Variants in CRTC3 observed in about 807,000 individuals in gnomAD.
CRTC3 encodes the protein CREB regulated transcription coactivator 3.
A neutral mutation model predicts 74.5 loss-of-function variants in CRTC3; 26 were observed. That is an observed-to-expected ratio of 0.35 (90% CI 0.26 to 0.48). CRTC3 has a LOEUF of 0.48. CRTC3 is among the 20% of genes least tolerant of loss of function. The probability of loss-of-function intolerance (pLI) is 0.99; values close to 1 mark genes in which losing one functional copy is unlikely to be tolerated. For synonymous variants in CRTC3, 377 were observed against 325.8 expected, an observed-to-expected ratio of 1.16 and a Z score of -1.69; for missense variants, 760 against 787.3, an observed-to-expected ratio of 0.97 and a Z score of 0.41.
intron 3 of CRTC3, chr15:90,598,557 GGAT>G: frequency 1.4e-6 from 1 of 701,712 alleles, no homozygotes; most frequent in Non-Finnish European, 2.6e-6. Context: ...GAACACACTG[GGAT>G]GACTCTGAGA....
intron 2 of CRTC3, among the ~76,000 whole-genome samples, chr15:90,585,442 G>A (rs1967636906): frequency 6.8e-6 from 1 of 146,662 alleles, no homozygotes; most frequent in Non-Finnish European, 1.5e-5. Flanking sequence ...ATGGTGCCCA[G>A]TCTGGAAAAT....
chr15:90,639,883 T>TA (rs1415008488), intron 13 of CRTC3, among the ~76,000 whole-genome samples: 1 of 151,546 alleles, frequency 6.6e-6, no homozygotes, highest in Non-Finnish European at 1.5e-5. Context: ...TTGTCTCTAC[T>TA]AAAAAATACA....
intron 2 of CRTC3, among the ~76,000 whole-genome samples, chr15:90,545,866 CTG>C (rs1567161131): frequency 9.2e-5 from 14 of 152,238 alleles, no homozygotes; most frequent in African/African-American, 1.2e-4. Context: ...GCGTGAGCCA[CTG>C]CGCCTGGCCT....
chr15:90,557,570 C>T (rs1966920415), intron 2 of CRTC3, among the ~76,000 whole-genome samples: 1 of 152,160 alleles, frequency 6.6e-6, no homozygotes. Flanking sequence ...ACATAGTGAT[C>T]TGTTAAAGGC....
intron 2 of CRTC3, among the ~76,000 whole-genome samples, chr15:90,549,449 A>G (rs1156957346): frequency 6.6e-6 from 1 of 152,182 alleles, no homozygotes; most frequent in Admixed American, 6.5e-5. Context: ...AGCTATTTGA[A>G]AATTTTAAAG....
intron 1 of CRTC3, among the ~76,000 whole-genome samples, chr15:90,533,988 A>C (rs1251714047): frequency 6.6e-6 from 1 of 152,130 alleles, no homozygotes; most frequent in Non-Finnish European, 1.5e-5. Flanking sequence ...CAGGTTGTAG[A>C]GACAGGATTT....
At chr15:90,617,798 T>A (rs1434527729) in intron 7 of CRTC3, 85 bp from the exon 8 acceptor site, 1 of 873,098 alleles carries the variant, frequency 1.1e-6, no homozygotes, top group African/African-American at 1.7e-5. Flanking sequence ...CATAAAGTGC[T>A]AGGATTATAG....
chr15:90,548,023 G>A (rs1164638961), intron 2 of CRTC3, among the ~76,000 whole-genome samples: 2 of 151,880 alleles, frequency 1.3e-5, no homozygotes, highest in East Asian at 3.9e-4. Context: ...CAGGGTAGCA[G>A]GGAGTACAGG....
intron 11 of CRTC3, among the ~76,000 whole-genome samples, chr15:90,631,742 T>G (rs71407316): frequency 6.9e-6 from 1 of 144,484 alleles, no homozygotes; most frequent in Non-Finnish European, 1.5e-5. Flanking sequence ...AAAAAAAAAA[T>G]TAGAATTAAA....
At chr15:90,631,252 T>G (rs1969028500) in intron 11 of CRTC3, among the ~76,000 whole-genome samples, 1 of 152,060 alleles carries the variant, frequency 6.6e-6, no homozygotes, top group East Asian at 1.9e-4. Context: ...TGAGAGGACA[T>G]TTCATAATTT....
chr15:90,626,659 T>C (rs1968845747), intron 10 of CRTC3, among the ~76,000 whole-genome samples: 1 of 149,456 alleles, frequency 6.7e-6, no homozygotes, highest in Non-Finnish European at 1.5e-5. Context: ...TCACCTAGGC[T>C]AGAGTGCAGT....
chr15:90,572,938 G>A (rs978731609), intron 2 of CRTC3, among the ~76,000 whole-genome samples: 3 of 152,192 alleles, frequency 2.0e-5, no homozygotes, highest in African/African-American at 7.2e-5. Context: ...TTAACATCTT[G>A]ATTTATTTTT....
Position 90,530,290 on chromosome 15 carries a change from A to C in CRTC3, c.132+87A>C. 5.0e-6 allele frequency: 4 copies of C among 804,076 alleles called. No individual in the cohort carries two copies. The highest frequency in any genetic ancestry group is 6.0e-6 in the Non-Finnish European group (4 of 665,462). The allele number at this position is 804,076 out of a possible 1,614,324, so 49.8% of individuals were successfully genotyped here. ...GGTGAGAGGTTGCGGGGCCAAGGCGATGGCGGGGCCGGGCGGGGGCCGCGC... is the reference window on the plus strand; with the variant it reads ...GGTGAGAGGTTGCGGGGCCAAGGCGCTGGCGGGGCCGGGCGGGGGCCGCGC... On this transcript the variant is annotated intron_variant, in intron 1 of 14. Transcript: ENST00000268184. This position sits in a 1 kb window ranked among gnomAD's most constrained non-coding sequence, Gnocchi z 6.2.
At chr15:90,535,962 A>C (rs1301370986) in intron 1 of CRTC3, among the ~76,000 whole-genome samples, 2 of 152,226 alleles carry the variant, frequency 1.3e-5, no homozygotes, top group Non-Finnish European at 2.9e-5. Context: ...CTGTATACTT[A>C]GCTACTTTAA....
rs1250653354 is a variant in CRTC3, at chr15:90,638,657, G to A, written c.1467+11G>A. ...CTTCTCCCGGCCCAGGTGAGTTCTGGCAGGAGCGTTGGTGCAGAGGGAATG... is the reference window on the plus strand; with the variant it reads ...CTTCTCCCGGCCCAGGTGAGTTCTGACAGGAGCGTTGGTGCAGAGGGAATG... On this transcript the variant is annotated intron_variant, in intron 12 of 14. Transcript: ENST00000268184. The A allele has an allele frequency of 6.2e-7, 1 of 1,613,722 alleles. No homozygotes were observed. Among genetic ancestry groups the A allele is most frequent in the Admixed American group, 1.7e-5 (1 of 60,018 alleles).
At chr15:90,546,914 C>T (rs770391034) in intron 2 of CRTC3, among the ~76,000 whole-genome samples, 5 of 152,150 alleles carry the variant, frequency 3.3e-5, no homozygotes, top group East Asian at 3.9e-4. Context: ...TGAGCCACAA[C>T]GCCCGGCCAA....
At chr15:90,555,706 C>T (rs1007789765) in intron 2 of CRTC3, among the ~76,000 whole-genome samples, 10 of 151,918 alleles carry the variant, frequency 6.6e-5, no homozygotes, top group Admixed American at 1.3e-4. Context: ...TTAATAGAGA[C>T]GGGGTGTCAC....
intron 11 of CRTC3, chr15:90,637,714 CA>C (rs1375690300): frequency 1.3e-5 from 2 of 152,184 alleles, no homozygotes; most frequent in African/African-American, 2.4e-5. Flanking sequence ...GAAGCACACT[CA>C]AGGCAAGGGC....
chr15:90,536,701 G>A (rs914393223), intron 1 of CRTC3, among the ~76,000 whole-genome samples: 2 of 152,148 alleles, frequency 1.3e-5, no homozygotes, highest in African/African-American at 2.4e-5. Flanking sequence ...ATGTGTGACT[G>A]TAGGCCAAAG....
Sources: gnomAD v4.1 joint callset for allele counts (sites outside exome capture counted in the v4.1 genomes callset) on GRCh38, gnomAD v4.1.1 for gene constraint, Gnocchi (gnomAD v3.1) non-coding constraint, MANE v1.5 for transcripts, NCBI Gene and HGNC (gene_info 2026-07-23, HGNC 2026-07-21) for gene names.